EVA1A: variants seen among roughly 807,000 people sequenced by gnomAD.
EVA1A encodes eva-1 homolog A, regulator of programmed cell death, also known as protein eva-1 homolog A.
A neutral mutation model predicts 9.8 loss-of-function variants in EVA1A; 7 were observed. The ratio of observed to expected loss-of-function variants is 0.71; its 90% confidence interval spans 0.41 to 1.34. The LOEUF (loss-of-function observed/expected upper bound fraction) is 1.34. Ranked by LOEUF, EVA1A falls within the 40% of genes most tolerant of loss-of-function variation. EVA1A has a pLI of 0.01. For synonymous variants in EVA1A, 90 were observed against 85.6 expected (o/e 1.05, Z -0.28); for missense variants, 206 against 205.9 (o/e 1.00, Z 0.00).
At chr2:75,556,548 T>A (rs1676716947) in intron 1 of EVA1A, among the ~76,000 whole-genome samples, 1 of 152,164 alleles carries the variant, frequency 6.6e-6, no homozygotes, top group Non-Finnish European at 1.5e-5. Context: ...GGCATTAAAA[T>A]CCTACAGGAA....
chr2:75,545,185 CA>C (rs879859223), intron 1 of EVA1A, among the ~76,000 whole-genome samples: 7 of 151,904 alleles, frequency 4.6e-5, no homozygotes, highest in African/African-American at 1.7e-4. Context: ...AGGAAAAACC[CA>C]AAATATGAAG....
At chr2:75,561,130 T>G (rs115316478), upstream of EVA1A, 1 of 151,958 alleles carries the variant, frequency 6.6e-6, no homozygotes, top group Non-Finnish European at 1.5e-5. Flanking sequence ...CGCTCCCAAC[T>G]CCTGCCTGCC....
At chr2:75,558,201 TA>T (rs1445317337) in intron 1 of EVA1A, among the ~76,000 whole-genome samples, 1 of 152,216 alleles carries the variant, frequency 6.6e-6, no homozygotes, top group African/African-American at 2.4e-5. Flanking sequence ...GTCCTGGAAT[TA>T]GGTAGGCACT....
intron 3 of EVA1A, among the ~76,000 whole-genome samples, chr2:75,495,142 G>A (rs1175100362): frequency 6.6e-6 from 1 of 152,082 alleles, no homozygotes; most frequent in East Asian, 1.9e-4. Context: ...TTATGCCTTT[G>A]TGTATATTTG....
chr2:75,523,466 C>T (rs1318500888), intron 1 of EVA1A, among the ~76,000 whole-genome samples: 1 of 152,168 alleles, frequency 6.6e-6, no homozygotes, highest in African/African-American at 2.4e-5. Context: ...GTCCTTATAT[C>T]ACCGGCTGGG....
At chr2:75,544,185 C>T (rs930622600) in intron 1 of EVA1A, among the ~76,000 whole-genome samples, 6 of 152,154 alleles carry the variant, frequency 3.9e-5, no homozygotes, top group Non-Finnish European at 5.9e-5. Context: ...TTCAACTGTT[C>T]GGATCCATGC....
chr2:75,556,019 AT>A (rs1433173238), intron 1 of EVA1A, among the ~76,000 whole-genome samples: 3 of 152,158 alleles, frequency 2.0e-5, no homozygotes, highest in African/African-American at 7.2e-5. Flanking sequence ...TATTTAACAC[AT>A]TCTGATGATC....
At position 75,509,679 on chromosome 2, in the gene EVA1A, T is replaced by C. The variant is rs567543600; in HGVS notation, c.85+8377A>G. Among the ~76,000 whole-genome samples the C allele has an allele frequency of 2.6e-5, 4 of 152,268 alleles. No homozygotes were observed. The East Asian group carries it at 7.7e-4, about 29-fold the overall frequency. ...GAAACACTGTAGTTACCATGTGCTC[T>C]GCGGATCTGTACTTTGTTAGAAATA... On this transcript the variant is annotated intron_variant, in intron 3 of 3. Transcript: ENST00000393913.
upstream of EVA1A, among the ~76,000 whole-genome samples, chr2:75,564,712 C>T (rs1007415096): frequency 3.9e-5 from 6 of 152,176 alleles, no homozygotes; most frequent in East Asian, 3.8e-4. Flanking sequence ...TGAGCACCAC[C>T]GATCAGCTAC....
chr2:75,524,491 C>CA (rs1675349453), intron 1 of EVA1A, among the ~76,000 whole-genome samples: 1 of 152,062 alleles, frequency 6.6e-6, no homozygotes, highest in Non-Finnish European at 1.5e-5. Flanking sequence ...CTCCAACCCT[C>CA]ACCTGCTTGC....
intron 3 of EVA1A, among the ~76,000 whole-genome samples, chr2:75,498,306 A>G (rs1674284170): frequency 1.3e-5 from 2 of 150,762 alleles, no homozygotes; most frequent in African/African-American, 2.4e-5. Flanking sequence ...AAAGAAGGGA[A>G]CAATAGACAT....
upstream of EVA1A, among the ~76,000 whole-genome samples, chr2:75,562,883 G>A (rs1395169972): frequency 2.0e-5 from 3 of 152,228 alleles, no homozygotes; most frequent in African/African-American, 4.8e-5. Context: ...GTAAATGTGT[G>A]TTGAATGAAC....
chr2:75,528,196 G>A (rs1183977196), intron 1 of EVA1A, among the ~76,000 whole-genome samples: 1 of 152,214 alleles, frequency 6.6e-6, no homozygotes, highest in Non-Finnish European at 1.5e-5. Flanking sequence ...GGGAGAAAGA[G>A]ACTTGCAGCT....
intron 2 of EVA1A, among the ~76,000 whole-genome samples, chr2:75,519,718 T>C (rs750282919): frequency 6.6e-6 from 1 of 152,228 alleles, no homozygotes; most frequent in Non-Finnish European, 1.5e-5. Flanking sequence ...CAGAGGCTGT[T>C]CTACAGATCT....
At chr2:75,510,211 C>T (rs1015980128) in intron 3 of EVA1A, among the ~76,000 whole-genome samples, 4 of 152,092 alleles carry the variant, frequency 2.6e-5, no homozygotes, top group African/African-American at 7.2e-5. Flanking sequence ...ATTCATCAAG[C>T]TTTCCATAAA....
intron 1 of EVA1A, among the ~76,000 whole-genome samples, chr2:75,535,590 A>G (rs1225459740): frequency 1.3e-5 from 2 of 152,252 alleles, no homozygotes; most frequent in African/African-American, 4.8e-5. Context: ...TAATTCATTC[A>G]TCAGTTGAAT....
intron 3 of EVA1A, among the ~76,000 whole-genome samples, chr2:75,506,796 C>T (rs951562241): frequency 2.0e-5 from 3 of 152,132 alleles, no homozygotes; most frequent in Non-Finnish European, 4.4e-5. Context: ...TGGGGTGGGG[C>T]CCTGCCTCAC....
intron 1 of EVA1A, among the ~76,000 whole-genome samples, chr2:75,549,232 G>A (rs952158621): frequency 1.3e-5 from 2 of 151,974 alleles, no homozygotes; most frequent in Admixed American, 6.6e-5. Context: ...TGTGGAACAT[G>A]TACATAGGAC....
intron 3 of EVA1A, among the ~76,000 whole-genome samples, chr2:75,507,967 A>C (rs1259390423): frequency 6.6e-6 from 1 of 152,202 alleles, no homozygotes; most frequent in African/African-American, 2.4e-5. Context: ...TCCCCAAATT[A>C]ATAATTTTAT....
Sources: gnomAD v4.1 joint callset for allele counts (sites outside exome capture counted in the v4.1 genomes callset) on GRCh38, gnomAD v4.1.1 for gene constraint, MANE v1.5 for transcripts, NCBI Gene and HGNC (gene_info 2026-07-23, HGNC 2026-07-21) for gene names.